The following KCNK10 variants were observed in gnomAD, a reference collection of about 807,000 sequenced individuals.
KCNK10 encodes the protein potassium two pore domain channel subfamily K member 10.
KCNK10 carries 25 observed loss-of-function variants against 47.7 expected under a neutral mutation model. The observed-to-expected ratio is 0.52, with a 90% CI of 0.38 to 0.73. KCNK10 has a LOEUF of 0.73. Among genes scored for constraint, KCNK10 ranks in the 30% least tolerant of loss-of-function variants. KCNK10 has a pLI of 0.00. For missense variants in KCNK10, 563 were observed against 714.5 expected (o/e 0.79, Z 2.42); for synonymous variants, 303 against 285.6 (o/e 1.06, Z -0.61).
chr14:88,249,549 C>T (rs1481746302), intron 2 of KCNK10, among the ~76,000 whole-genome samples: 2 of 152,114 alleles, frequency 1.3e-5, no homozygotes, highest in Non-Finnish European at 2.9e-5. Context: ...ATCTAGTAAC[C>T]AATAGCTACT....
At chr14:88,293,306 T>C (rs1478367392) in intron 1 of KCNK10, among the ~76,000 whole-genome samples, 1 of 152,184 alleles carries the variant, frequency 6.6e-6, no homozygotes, top group Non-Finnish European at 1.5e-5. Flanking sequence ...TGTCTCCAAC[T>C]GTCCAATTGA....
chr14:88,193,851 T>C (rs1426240149), intron 4 of KCNK10, among the ~76,000 whole-genome samples: 51 of 152,144 alleles, frequency 3.4e-4, no homozygotes, highest in Non-Finnish European at 4.4e-5. Context: ...CCAAAGAAAG[T>C]TGTCAAACAA....
At chr14:88,188,257 A>G in intron 5 of KCNK10, 148 bp from the exon 6 acceptor site, 1 of 965,510 alleles carries the variant, frequency 1.0e-6, no homozygotes, top group Non-Finnish European at 1.6e-6. Flanking sequence ...GACCGGGGTT[A>G]GAGGGCAAGG....
chr14:88,288,084 T>C (rs1204584211), intron 1 of KCNK10, among the ~76,000 whole-genome samples: 1 of 152,216 alleles, frequency 6.6e-6, no homozygotes, highest in African/African-American at 2.4e-5. Context: ...TGCATCTCCC[T>C]TATCATTAGT....
intron 1 of KCNK10, among the ~76,000 whole-genome samples, chr14:88,307,084 T>C (rs1169705402): frequency 6.6e-6 from 1 of 151,984 alleles, no homozygotes; most frequent in Non-Finnish European, 1.5e-5. Context: ...GACCAGTGAG[T>C]GGATGAGAAG....
chr14:88,281,137 T>A (rs1887641579), intron 1 of KCNK10, among the ~76,000 whole-genome samples: 1 of 152,162 alleles, frequency 6.6e-6, no homozygotes, highest in African/African-American at 2.4e-5. Flanking sequence ...GGACTCCAGT[T>A]TCCATTCAGT....
upstream of KCNK10, chr14:88,326,470 G>T (rs746663176): frequency 1.9e-6 from 3 of 1,611,384 alleles, no homozygotes; most frequent in Non-Finnish European, 2.5e-6. Context: ...GAAAGATGCC[G>T]CTCCAAGCGG....
chr14:88,196,186 C>A (rs987089322), intron 4 of KCNK10, among the ~76,000 whole-genome samples: 1 of 152,196 alleles, frequency 6.6e-6, no homozygotes, highest in Non-Finnish European at 1.5e-5. Flanking sequence ...CTGATTGATA[C>A]AAACTATAGG....
At chr14:88,306,355 CCTT>C (rs1888202128) in intron 1 of KCNK10, among the ~76,000 whole-genome samples, 1 of 152,152 alleles carries the variant, frequency 6.6e-6, no homozygotes, top group South Asian at 2.1e-4. Context: ...TTATTTTCCT[CCTT>C]CTTTGGTAGA....
At chr14:88,326,533 T>A, upstream of KCNK10, 2 of 1,156,174 alleles carry the variant, frequency 1.7e-6, no homozygotes, top group Admixed American at 3.9e-5. Context: ...TTCAGGCGGG[T>A]TAAGTCTGGT....
chr14:88,268,515 T>C (rs1887329822), intron 1 of KCNK10, among the ~76,000 whole-genome samples: 1 of 152,218 alleles, frequency 6.6e-6, no homozygotes, highest in Non-Finnish European at 1.5e-5. Context: ...GGGAATCATC[T>C]GACTTCAAAG....
At chr14:88,187,665 A>G (rs994051818) in intron 6 of KCNK10, among the ~76,000 whole-genome samples, 10 of 147,326 alleles carry the variant, frequency 6.8e-5, no homozygotes, top group Non-Finnish European at 1.0e-4. Flanking sequence ...TACCTCTCCT[A>G]TTTATTTTCA....
At chr14:88,264,541 T>C (rs1385367972) in intron 1 of KCNK10, among the ~76,000 whole-genome samples, 1 of 152,182 alleles carries the variant, frequency 6.6e-6, no homozygotes, top group Admixed American at 6.5e-5. Context: ...TCAATCACTG[T>C]TGGAAAAGTC....
rs761319967 is a variant in KCNK10 at position 88,187,996 on chromosome 14, G to A, written c.982C>T (p.Arg328Trp). ...TCTTTTGTCTTTTTGGACAGAACCC[G>A]TAGCCAATCTCCGATCATACTGAGG... ...AVLSMIGDWLRVLSKKTKEEV... is the reference protein window; with the variant it reads ...AVLSMIGDWLWVLSKKTKEEV... The change falls in exon 6 of 7, where the codon CGG becomes TGG. Residue 328 changes from arginine to tryptophan, a missense_variant. Physicochemically the swap from Arg to Trp is moderately radical, Grantham distance 101 (BLOSUM62 -3). Coordinates refer to ENST00000319231, the MANE Select transcript of KCNK10 (RefSeq NM_138317.3). 24 of 1,614,002 alleles carry A rather than the reference G, an allele frequency of 1.5e-5. No individual in the cohort carries two copies. Among genetic ancestry groups the A allele is most frequent in the Non-Finnish European group, 1.9e-5 (22 of 1,180,048 alleles).
chr14:88,246,917 G>A (rs942531294), intron 2 of KCNK10, among the ~76,000 whole-genome samples: 1 of 152,172 alleles, frequency 6.6e-6, no homozygotes, highest in Admixed American at 6.5e-5. Flanking sequence ...TTATTCAGGA[G>A]TATTAGTAAC....
intron 2 of KCNK10, among the ~76,000 whole-genome samples, chr14:88,243,479 C>G (rs1018771796): frequency 6.6e-5 from 10 of 152,136 alleles, no homozygotes; most frequent in African/African-American, 2.4e-4. Flanking sequence ...TGTTGCCTCC[C>G]CTACTCCCAT....
intron 1 of KCNK10, among the ~76,000 whole-genome samples, chr14:88,305,850 C>T (rs1447746529): frequency 6.6e-6 from 1 of 152,196 alleles, no homozygotes; most frequent in Non-Finnish European, 1.5e-5. Context: ...ATTTTTCCTA[C>T]AGAGGAAACT....
Position 88,322,701 on chromosome 14 carries a change from G to A in KCNK10, c.52+46C>T, listed in dbSNP as rs1374321298. On this transcript the variant is annotated intron_variant, in intron 1 of 6. Transcript: ENST00000319231. The surrounding 1 kb of genome is among the most constrained non-coding windows in gnomAD (Gnocchi z 4.8). ...CCACTCAAGGAAGCGCGCACACGCCGGAGACAGAGGCAGGGCGAGGGCAGC... is the reference window on the plus strand; with the variant it reads ...CCACTCAAGGAAGCGCGCACACGCCAGAGACAGAGGCAGGGCGAGGGCAGC... 4 of 1,612,362 alleles carry A rather than the reference G, an allele frequency of 2.5e-6. No individual in the cohort carries two copies. The highest frequency in any genetic ancestry group is 1.1e-5 in the South Asian group (1 of 91,014).
chr14:88,274,849 C>A (rs1231844378), intron 1 of KCNK10, among the ~76,000 whole-genome samples: 2 of 152,112 alleles, frequency 1.3e-5, no homozygotes. Context: ...CACATCCAGG[C>A]TGCCAAGCCA....
Sources: allele counts gnomAD v4.1 joint callset (sites outside exome capture counted in the v4.1 genomes callset), GRCh38; gene constraint gnomAD v4.1.1; non-coding constraint Gnocchi (gnomAD v3.1); transcripts MANE v1.5; gene names NCBI Gene and HGNC (gene_info 2026-07-23, HGNC 2026-07-21).